NPAS1: variants seen among roughly 807,000 people sequenced by gnomAD.
The protein encoded by NPAS1 is neuronal PAS domain protein 1.
NPAS1 carries 29 observed loss-of-function variants against 49.2 expected under a neutral mutation model. That is an observed-to-expected ratio of 0.59 (90% CI 0.44 to 0.80). The LOEUF is 0.80. NPAS1 is among the 30% of genes least tolerant of loss of function. NPAS1 has a pLI of 0.00. For missense variants in NPAS1, 825 were observed against 835.5 expected, an observed-to-expected ratio of 0.99 and a Z score of 0.15; for synonymous variants, 408 against 380.4, an observed-to-expected ratio of 1.07 and a Z score of -0.84.
Position 47,042,911 on chromosome 19 carries a change from C to A in NPAS1, c.1312+7C>A. 1.3e-6 allele frequency: 2 copies of A among 1,570,820 alleles called. No individual in the cohort carries two copies. The highest frequency in any genetic ancestry group is 2.4e-5 in the South Asian group (2 of 84,944). On this transcript the variant is annotated splice_region_variant and intron_variant, in intron 11 of 11. Coordinates refer to ENST00000602212, the MANE Select transcript of NPAS1 (RefSeq NM_002517.4). ...CCGGGGCCAGAGCCCACAGGTGAGC[C>A]CCACCTCCCACCTTGGCCCCTGGGA...
chr19:47,019,906 C>T lies in NPAS1; in HGVS notation c.-134C>T, dbSNP rs2056827823. The T allele has an allele frequency of 2.6e-6, 1 of 378,490 alleles. No individual in the cohort carries two copies. Among genetic ancestry groups the T allele is most frequent in the African/African-American group, 2.1e-5 (1 of 47,658 alleles). 23.4% of individuals were successfully genotyped at this position (378,490 alleles called of 1,614,324 possible). On this transcript the variant is annotated 5_prime_UTR_variant, in exon 1 of 12. Transcript: ENST00000602212. ...CGCTGCGCCCCGCGCGCCCCGGGGT[C>T]TATGGAGCTGCCCCTCCGCGCCGCC...
intron 5 of NPAS1, chr19:47,035,467 G>GGAGA (rs1235638281): frequency 6.5e-6 from 1 of 154,090 alleles, no homozygotes; most frequent in Non-Finnish European, 1.4e-5. Flanking sequence ...AGGGAGGCAG[G>GGAGA]GAGAGAAGGG....
At chr19:47,029,648 AC>A (rs760313992) in intron 3 of NPAS1, among the ~76,000 whole-genome samples, 6 of 151,938 alleles carry the variant, frequency 3.9e-5, no homozygotes, top group Non-Finnish European at 7.4e-5. Context: ...TGATCCACCC[AC>A]CTCCGCCTCC....
intron 6 of NPAS1, among the ~76,000 whole-genome samples, chr19:47,037,453 G>A (rs1374610934): frequency 6.6e-6 from 1 of 151,884 alleles, no homozygotes; most frequent in Non-Finnish European, 1.5e-5. Context: ...GGCGCGGAGA[G>A]GTTAAGTTAA....
chr19:47,025,213 G>A (rs1266227285), intron 3 of NPAS1, among the ~76,000 whole-genome samples: 15 of 135,886 alleles, frequency 1.1e-4, no homozygotes, highest in African/African-American at 3.2e-4. Flanking sequence ...AGTAGCATCT[G>A]GGACACAATG....
In NPAS1 at chr19:47,042,823, G is replaced by A. The variant is rs772118609; in HGVS notation, c.1231G>A (p.Gly411Ser). The change falls in exon 11 of 12, where the codon GGC (glycine) becomes AGC (serine). Residue 411 changes from glycine (G) to serine (S), a missense_variant. Gly to Ser is a moderately conservative substitution (Grantham distance 56, BLOSUM62 0). Transcript: ENST00000602212. ...TCTTCTCCCCAGCCAAGCCGAGGGT[G>A]GCCAAACTCCTTTGGATGCCTTCCA... is the stretch of plus-strand genomic sequence containing the variant. The part of the protein sequence containing the change: ...VSHVLSQAEG[G>S]QTPLDAFQLP... The A allele has an allele frequency of 5.0e-6, 8 of 1,604,640 alleles. No homozygotes were observed. Among genetic ancestry groups the A allele is most frequent in the Non-Finnish European group, 6.8e-6 (8 of 1,175,772 alleles).
At position 47,045,408 on chromosome 19, in the gene NPAS1, A is replaced by G. The variant is rs372654875; in HGVS notation, c.1530A>G (p.Pro510=). The change falls in exon 12 of 12, where the codon CCA becomes CCG. Residue 510 remains proline (P), a synonymous_variant. Transcript: ENST00000602212. ...TCCTGAAGCAGGATCCGGTGCGGCC[A>G]TGGGGCCTGGCGCCTCCCGGGGACC... ...AGVLKQDPVR[P]WGLAPPGDPP... The G allele has an allele frequency of 1.7e-5, 27 of 1,611,082 alleles. No homozygotes were observed. Among genetic ancestry groups the G allele is most frequent in the Non-Finnish European group, 2.2e-5 (26 of 1,179,106 alleles).
At chr19:47,031,193 G>GTGTT (rs1568502870) in intron 3 of NPAS1, among the ~76,000 whole-genome samples, 1 of 142,524 alleles carries the variant, frequency 7.0e-6, no homozygotes. Context: ...GTGTGTGTGT[G>GTGTT]TTTTTTTTTT....
chr19:47,041,560 G>A (rs866406160), intron 10 of NPAS1, among the ~76,000 whole-genome samples: 33 of 152,188 alleles, frequency 2.2e-4, no homozygotes, highest in Admixed American at 1.8e-3. Context: ...CCTTGGGCTG[G>A]AGTAGAAAGC....
At chr19:47,023,908 C>T (rs1294842574) in intron 3 of NPAS1, among the ~76,000 whole-genome samples, 5 of 152,126 alleles carry the variant, frequency 3.3e-5, no homozygotes, top group Non-Finnish European at 7.3e-5. Context: ...AGTTCGAGAC[C>T]ATCCTGGCCA....
chr19:47,038,455 C>T (rs375171645), intron 6 of NPAS1, among the ~76,000 whole-genome samples: 5 of 119,666 alleles, frequency 4.2e-5, no homozygotes, highest in African/African-American at 1.4e-4. Context: ...AGACGGAGGT[C>T]GCAGTAGGCC....
rs540330457 is a variant in NPAS1, at chr19:47,024,841, C to T, written c.358+2994C>T. Among the ~76,000 whole-genome samples the T allele has an allele frequency of 3.0e-3, 397 of 133,262 alleles. 2 individuals carry two copies. The highest frequency in any genetic ancestry group is 4.4e-3 in the Non-Finnish European group (277 of 63,194). The allele number at this position is 133,262 out of a possible 152,430, so 87.4% of individuals were successfully genotyped here. ...TTTTTTTTTTTGAAACGCAGTTTTG[C>T]TCTTGTTGCCCAGGCTGGAGTGCAG... On this transcript the variant is annotated intron_variant, in intron 3 of 11. Coordinates refer to ENST00000602212, the MANE Select transcript of NPAS1 (RefSeq NM_002517.4).
intron 3 of NPAS1, among the ~76,000 whole-genome samples, chr19:47,029,988 TA>T (rs1443876530): frequency 1.3e-5 from 2 of 152,140 alleles, no homozygotes; most frequent in Non-Finnish European, 2.9e-5. Context: ...TACCAACACT[TA>T]CTTTCTGTGT....
rs2122532952 is a variant in NPAS1 at position 47,039,466 on chromosome 19, C to T, written c.864C>T (p.His288=). The change falls in exon 8 of 12, where the codon CAC becomes CAT. Residue 288 remains histidine (H), a synonymous_variant. Transcript: ENST00000602212. ...CCCTGGGCCTTGTGGCCCTCGGGCA[C>T]ACGTTGCCCCCGGCCCCCCTGGCTG... ...AHALGLVALG[H]TLPPAPLAEL... is the part of the protein sequence containing the mutation. The T allele has an allele frequency of 1.2e-6, 2 of 1,611,112 alleles. No individual in the cohort carries two copies. The highest frequency in any genetic ancestry group is 2.2e-5 in the East Asian group (1 of 44,830).
intron 3 of NPAS1, among the ~76,000 whole-genome samples, chr19:47,028,421 G>A (rs1403024592): frequency 6.6e-6 from 1 of 152,074 alleles, no homozygotes; most frequent in Middle Eastern, 3.2e-3. Flanking sequence ...CTGGGGAGGC[G>A]GGGGCTGCGC....
At chr19:47,040,894 C>A in intron 9 of NPAS1, 84 bp from the exon 10 acceptor site, 1 of 1,196,302 alleles carries the variant, frequency 8.4e-7, no homozygotes, top group Non-Finnish European at 1.1e-6. Context: ...CTCACTCCTC[C>A]TGTCTCCTCC....
intron 3 of NPAS1, among the ~76,000 whole-genome samples, chr19:47,023,799 CATGTCCCTACAA>C (rs1274935486): frequency 6.6e-6 from 1 of 151,900 alleles, no homozygotes; most frequent in Non-Finnish European, 1.5e-5. Flanking sequence ...ATAACAAAAC[CATGTCCCTACAA>C]AAATAAAAAT....
chr19:47,040,727 G>C, intron 9 of NPAS1, 177 bp downstream of exon 9: 1 of 605,624 alleles, frequency 1.7e-6, no homozygotes, highest in East Asian at 2.8e-5. Context: ...TGATGCCTCA[G>C]GATGTGTGTG....
chr19:47,030,667 T>C (rs1392055185), intron 3 of NPAS1, among the ~76,000 whole-genome samples: 3 of 60,786 alleles, frequency 4.9e-5, no homozygotes, highest in South Asian at 8.3e-4. Context: ...TTTTTTTTTT[T>C]GTCTGAGACA....
Sources: gnomAD v4.1 joint callset for allele counts (sites outside exome capture counted in the v4.1 genomes callset) on GRCh38, gnomAD v4.1.1 for gene constraint, MANE v1.5 for transcripts, NCBI Gene and HGNC (gene_info 2026-07-23, HGNC 2026-07-21) for gene names.